Variants in XIRP2 observed in about 807,000 individuals in gnomAD.
XIRP2 encodes xin actin-binding repeat-containing protein 2.
A neutral mutation model predicts 277.0 loss-of-function variants in XIRP2; 236 were observed. That is an observed-to-expected ratio of 0.85 (90% confidence interval 0.77 to 0.95). The LOEUF is 0.95. XIRP2 is among the 40% of genes least tolerant of loss of function. The pLI is 0.00. For synonymous variants in XIRP2, 1,490 were observed against 1,416.5 expected, an observed-to-expected ratio of 1.05 and a Z score of -1.17; for missense variants, 4,640 against 4,157.5, an observed-to-expected ratio of 1.12 and a Z score of -3.19.
At chr2:167,130,149 C>T (rs545291276) in intron 2 of XIRP2, among the ~76,000 whole-genome samples, 1 of 152,088 alleles carries the variant, frequency 6.6e-6, no homozygotes, top group South Asian at 2.1e-4. Context: ...ATGGCCCTCC[C>T]CTGAAATCAC....
intron 2 of XIRP2, among the ~76,000 whole-genome samples, chr2:167,132,302 G>T (rs1194886083): frequency 1.3e-5 from 2 of 152,096 alleles, no homozygotes; most frequent in Non-Finnish European, 2.9e-5. Flanking sequence ...TAATAGTTAT[G>T]ACTCCAGAGC....
intron 1 of XIRP2, among the ~76,000 whole-genome samples, chr2:166,893,041 G>T (rs375547661): frequency 6.6e-6 from 1 of 151,172 alleles, no homozygotes; most frequent in East Asian, 2.0e-4. Flanking sequence ...GGGATCGCAT[G>T]CTGATTCTAG....
chr2:167,022,952 TC>T (rs1558950986), intron 2 of XIRP2, among the ~76,000 whole-genome samples: 1 of 152,184 alleles, frequency 6.6e-6, no homozygotes, highest in African/African-American at 2.4e-5. Context: ...TGATTTATAG[TC>T]CTTTGGGTAT....
rs1245430698 is a variant in XIRP2 at position 167,243,148 on chromosome 2, T to C, written c.1756T>C (p.Leu586=). Residue 586 remains leucine (L), a synonymous_variant, in exon 9 of 11, where the codon TTG becomes CTG. Coordinates refer to ENST00000409195, the MANE Select transcript of XIRP2 (RefSeq NM_152381.6). ...SIRWIFENQP[L]DSINNGSPDE... is the part of the protein sequence containing the mutation. ...TAGATGGATCTTTGAGAATCAACCA[T>C]TGGATTCCATCAACAATGGCTCTCC... 4 of 1,614,014 alleles carry C rather than the reference T, an allele frequency of 2.5e-6. No individual in the cohort carries two copies. Among genetic ancestry groups the C allele is most frequent in the East Asian group, 2.2e-5 (1 of 44,876 alleles).
intron 5 of XIRP2, among the ~76,000 whole-genome samples, chr2:167,220,210 G>A (rs559805737): frequency 6.6e-6 from 1 of 151,790 alleles, no homozygotes; most frequent in Non-Finnish European, 1.5e-5. Context: ...TGTCAAATAT[G>A]TATCACCTTA....
intron 3 of XIRP2, among the ~76,000 whole-genome samples, chr2:167,155,323 T>C (rs1016273246): frequency 5.3e-4 from 81 of 151,996 alleles, no homozygotes; most frequent in Non-Finnish European, 5.7e-4. Flanking sequence ...ATATCCTTGA[T>C]GAACATTGAT....
chr2:166,916,147 C>T (rs954762234), intron 2 of XIRP2, among the ~76,000 whole-genome samples: 1 of 152,136 alleles, frequency 6.6e-6, no homozygotes, highest in African/African-American at 2.4e-5. Context: ...ATTTAATGAC[C>T]AATCTGTCCT....
chr2:167,070,973 C>T lies in XIRP2; in HGVS notation c.409-64936C>T, dbSNP rs191981753. ...TTTCATTTAAAATTCACAGCAATATCATTTACATACTATTATCACTGATAT... is the reference window on the plus strand; with the variant it reads ...TTTCATTTAAAATTCACAGCAATATTATTTACATACTATTATCACTGATAT... On this transcript the variant is annotated intron_variant, in intron 2 of 10. Coordinates refer to ENST00000409195, the MANE Select transcript of XIRP2 (RefSeq NM_152381.6). Among the ~76,000 whole-genome samples, 259 of 152,298 alleles carry T rather than the reference C, an allele frequency of 1.7e-3. 3 individuals are homozygous for T. Among genetic ancestry groups the T allele is most frequent in the African/African-American group, 5.4e-3 (226 of 41,560 alleles).
chr2:167,193,862 A>G (rs1218337233), intron 3 of XIRP2, among the ~76,000 whole-genome samples: 1 of 141,352 alleles, frequency 7.1e-6, no homozygotes, highest in Non-Finnish European at 1.5e-5. Flanking sequence ...TGGGTGACAC[A>G]GTATGAGACT....
chr2:167,171,955 A>G (rs75750952), intron 3 of XIRP2, among the ~76,000 whole-genome samples: 15,033 of 152,238 alleles, frequency 0.099, 801 homozygotes, highest in South Asian at 0.16. Context: ...AAATAGGTGT[A>G]TATATTTACG....
intron 2 of XIRP2, among the ~76,000 whole-genome samples, chr2:166,962,988 A>G (rs1686336047): frequency 1.3e-5 from 2 of 151,756 alleles, no homozygotes; most frequent in Admixed American, 6.6e-5. Flanking sequence ...ATATAGTTTC[A>G]AATAGCTAGG....
At chr2:167,098,283 T>C (rs1338656823) in intron 2 of XIRP2, among the ~76,000 whole-genome samples, 1 of 152,234 alleles carries the variant, frequency 6.6e-6, no homozygotes, top group Non-Finnish European at 1.5e-5. Context: ...CTTCATGCTT[T>C]ATTTCATTAA....
intron 2 of XIRP2, among the ~76,000 whole-genome samples, chr2:166,968,486 C>A (rs1686487751): frequency 6.6e-6 from 1 of 151,964 alleles, no homozygotes; most frequent in Admixed American, 6.6e-5. Flanking sequence ...ATTCGACATT[C>A]CCTGATGCTC....
At chr2:167,234,766 T>G (rs1308176163) in intron 5 of XIRP2, among the ~76,000 whole-genome samples, 2 of 151,856 alleles carry the variant, frequency 1.3e-5, no homozygotes, top group African/African-American at 4.8e-5. Context: ...GCCTTAACTC[T>G]TCTTTTCCCT....
chr2:167,251,233 G>A lies in XIRP2; in HGVS notation c.9841G>A (p.Asp3281Asn). 2 of 1,613,542 alleles carry A rather than the reference G, an allele frequency of 1.2e-6. No homozygotes were observed. The highest frequency in any genetic ancestry group is 1.7e-6 in the Non-Finnish European group (2 of 1,179,706). ...YVHKDGLNST[D>N]HMVPDTESYD... ...TCATAAAGATGGACTAAATTCCACT[G>A]ATCACATGGTGCCCGACACTGAAAG... The change falls in exon 9 of 11, where the codon GAT (aspartate) becomes AAT (asparagine). Residue 3281 changes from aspartate (D) to asparagine (N), a missense_variant. Physicochemically the swap from Asp to Asn is conservative, Grantham distance 23 (BLOSUM62 1). Coordinates refer to ENST00000409195, the MANE Select transcript of XIRP2 (RefSeq NM_152381.6).
At chr2:166,939,679 C>CAAAAAAAAAA (rs138977006) in intron 2 of XIRP2, among the ~76,000 whole-genome samples, 22 of 90,618 alleles carry the variant, frequency 2.4e-4, no homozygotes, top group East Asian at 1.4e-3. Context: ...GACTCCATCA[C>CAAAAAAAAAA]AAAAAAAAAA....
At chr2:166,937,145 G>C (rs1384725461) in intron 2 of XIRP2, among the ~76,000 whole-genome samples, 3 of 152,194 alleles carry the variant, frequency 2.0e-5, no homozygotes, top group African/African-American at 7.2e-5. Flanking sequence ...GGAGTGGTGA[G>C]AGAGGGCATC....
At position 166,963,993 on chromosome 2, in the gene XIRP2, G is replaced by A. The variant is rs367648807; in HGVS notation, c.408+60103G>A. On this transcript the variant is annotated intron_variant, in intron 2 of 10. Transcript: ENST00000409195. ...GGAGGAAGAGCAGAAACAGGTGGTG[G>A]GAGACAGGATATATTGTTAGAGTAG... Among the ~76,000 whole-genome samples, 102 of 151,802 alleles carry A rather than the reference G, an allele frequency of 6.7e-4. 1 individual carries two copies. The highest frequency in any genetic ancestry group is 2.4e-3 in the African/African-American group (100 of 41,468).
chr2:167,131,011 TC>T (rs1248821723), intron 2 of XIRP2, among the ~76,000 whole-genome samples: 2 of 151,830 alleles, frequency 1.3e-5, no homozygotes, highest in Admixed American at 1.3e-4. Context: ...CTTCCTCCAT[TC>T]CCCCCATCAA....
Sources: allele counts gnomAD v4.1 joint callset (sites outside exome capture counted in the v4.1 genomes callset), GRCh38; gene constraint gnomAD v4.1.1; transcripts MANE v1.5; gene names NCBI Gene and HGNC (gene_info 2026-07-23, HGNC 2026-07-21).